The following LRPPRC variants were observed in gnomAD, a reference collection of about 807,000 sequenced individuals.
The protein encoded by LRPPRC is leucine-rich PPR motif-containing protein, mitochondrial.
A neutral mutation model predicts 180.3 loss-of-function variants in LRPPRC; 120 were observed. The observed-to-expected ratio is 0.67, with a 90% CI of 0.57 to 0.77. The LOEUF is 0.77. LRPPRC is among the 30% of genes least tolerant of loss of function. The probability of loss-of-function intolerance (pLI) is 0.00; values close to 1 mark genes in which losing one functional copy is unlikely to be tolerated. For missense variants in LRPPRC, 2,012 were observed against 1,657.2 expected (o/e 1.21, Z -3.72); for synonymous variants, 723 against 600.0 (o/e 1.21, Z -3.00).
intron 12 of LRPPRC, among the ~76,000 whole-genome samples, chr2:43,960,911 C>G (rs1473852707): frequency 6.6e-6 from 1 of 152,088 alleles, no homozygotes; most frequent in East Asian, 1.9e-4. Flanking sequence ...TTCTCCCATT[C>G]AAGACAAAAC....
chr2:43,891,505 A>G (rs1256643782), intron 36 of LRPPRC, among the ~76,000 whole-genome samples: 11 of 152,188 alleles, frequency 7.2e-5, no homozygotes, highest in Admixed American at 5.9e-4. Context: ...CATTATTGTT[A>G]TATCTGTTAC....
chr2:43,974,894 G>A, intron 7 of LRPPRC, 136 bp from the exon 8 acceptor site: 2 of 995,724 alleles, frequency 2.0e-6, no homozygotes, highest in South Asian at 1.4e-5. Flanking sequence ...TAAAAAACAG[G>A]AAATACTCTA....
rs578214155 is a variant in LRPPRC at position 43,896,495 on chromosome 2, A to C, written c.3900+139T>G. On this transcript the variant is annotated intron_variant, in intron 35 of 37. Coordinates refer to ENST00000260665, the MANE Select transcript of LRPPRC (RefSeq NM_133259.4). ...CTAACAGACGACAAAACTGACTCTA[A>C]GTAGAGACAAGCAAAGTCTTGAATC... 4.7e-5 allele frequency: 31 copies of C among 656,328 alleles called. No homozygotes were observed. In the Admixed American group the frequency reaches 7.5e-4, roughly 16 times the overall value. 40.7% of individuals were successfully genotyped at this position (656,328 alleles called of 1,614,324 possible). A position where few individuals can be genotyped will look rare whatever the true frequency, so the allele number is the denominator to read the frequency against.
Position 43,976,138 on chromosome 2 carries a change from A to G in LRPPRC, c.737+5T>C, listed in dbSNP as rs777013800. The G allele has an allele frequency of 1.6e-5, 25 of 1,586,394 alleles. No individual in the cohort carries two copies. In the Admixed American group the frequency reaches 4.2e-4, roughly 26 times the overall value. On this transcript the variant is annotated splice_donor_5th_base_variant and intron_variant, in intron 6 of 37. Transcript: ENST00000260665. ...TAAGAACCAAAACCTTAGGTTGAAC[A>G]TTACCCAGCTCTGGCATGCCCTGTC...
intron 11 of LRPPRC, among the ~76,000 whole-genome samples, chr2:43,969,685 GTT>G (rs970641576): frequency 3.3e-5 from 5 of 152,050 alleles, no homozygotes; most frequent in African/African-American, 9.7e-5. Context: ...GGTGTGTGGT[GTT>G]TTGTTTTTGA....
chr2:43,922,833 G>A (rs190731395), intron 27 of LRPPRC, among the ~76,000 whole-genome samples: 95 of 152,224 alleles, frequency 6.2e-4, no homozygotes, highest in African/African-American at 2.2e-3. Flanking sequence ...ATGCAGAAGG[G>A]GATAGCTTGC....
At chr2:43,903,154 AC>A in intron 31 of LRPPRC, 1 of 152,226 alleles carries the variant, frequency 6.6e-6, no homozygotes. Flanking sequence ...GGACCTTGTG[AC>A]CTAAATCCTA....
chr2:43,915,345 A>G (rs1671427876), intron 29 of LRPPRC, among the ~76,000 whole-genome samples: 1 of 151,708 alleles, frequency 6.6e-6, no homozygotes, highest in Non-Finnish European at 1.5e-5. Flanking sequence ...AAAGATGCAT[A>G]GTGTGTACTC....
At chr2:43,913,399 T>C (rs1040955613) in intron 29 of LRPPRC, among the ~76,000 whole-genome samples, 10 of 152,168 alleles carry the variant, frequency 6.6e-5, no homozygotes, top group African/African-American at 1.7e-4. Context: ...TCTACGAATA[T>C]AGGGCTCAAT....
intron 14 of LRPPRC, among the ~76,000 whole-genome samples, chr2:43,955,101 T>G (rs1043072829): frequency 1.3e-5 from 2 of 152,084 alleles, no homozygotes; most frequent in African/African-American, 4.8e-5. Flanking sequence ...GTCATAATTT[T>G]ATAATATGCA....
intron 14 of LRPPRC, among the ~76,000 whole-genome samples, chr2:43,951,418 G>A (rs1672897011): frequency 6.6e-6 from 1 of 152,192 alleles, no homozygotes; most frequent in East Asian, 1.9e-4. Flanking sequence ...GGGCTAATGT[G>A]CCAAAGTGCA....
intron 1 of LRPPRC, among the ~76,000 whole-genome samples, chr2:43,986,773 C>G (rs551960747): frequency 6.6e-6 from 1 of 152,074 alleles, no homozygotes. Flanking sequence ...AATCTGGCTG[C>G]AATTGGGTGT....
At chr2:43,969,305 G>C (rs1673699091) in intron 11 of LRPPRC, among the ~76,000 whole-genome samples, 1 of 152,118 alleles carries the variant, frequency 6.6e-6, no homozygotes, top group East Asian at 1.9e-4. Context: ...CCAGCTACTT[G>C]GGAGGCTGAG....
intron 30 of LRPPRC, 151 bp from the exon 31 acceptor site, chr2:43,905,931 T>C (rs1423044771): frequency 1.4e-6 from 1 of 691,878 alleles, no homozygotes; most frequent in East Asian, 2.7e-5. Context: ...TTTTGTGTTA[T>C]CCTGTCAATG....
At chr2:43,983,942 A>C (rs1437496940) in intron 1 of LRPPRC, among the ~76,000 whole-genome samples, 2 of 152,188 alleles carry the variant, frequency 1.3e-5, no homozygotes, top group East Asian at 3.8e-4. Context: ...AAATAATGGA[A>C]AAAATCAAGA....
intron 1 of LRPPRC, among the ~76,000 whole-genome samples, chr2:43,982,813 T>C (rs1428926515): frequency 1.3e-5 from 2 of 152,174 alleles, no homozygotes; most frequent in Admixed American, 1.3e-4. Context: ...CTCATCTCTG[T>C]AAATAAGACA....
At chr2:43,935,774 T>TA (rs1256497512) in intron 23 of LRPPRC, among the ~76,000 whole-genome samples, 3 of 151,802 alleles carry the variant, frequency 2.0e-5, no homozygotes, top group Non-Finnish European at 4.4e-5. Flanking sequence ...ACAGGTAATA[T>TA]AAAAAAAATA....
chr2:43,962,253 G>C (rs965825397), intron 12 of LRPPRC, among the ~76,000 whole-genome samples: 1 of 152,124 alleles, frequency 6.6e-6, no homozygotes, highest in Non-Finnish European at 1.5e-5. Flanking sequence ...GAATATGTGG[G>C]AAAGTTACTT....
rs1670295232 is a variant in LRPPRC at position 43,887,117 on chromosome 2, G to A, written c.*1483C>T. On this transcript the variant is annotated 3_prime_UTR_variant, in exon 38 of 38. Transcript: ENST00000260665. ...GCTGAGATTGCGCCACTGCACTCTG[G>A]CTTAAGCAACAGAGCAAGACTATCT... The A allele has an allele frequency of 8.0e-6, 1 of 124,226 alleles. No homozygotes were observed. Among genetic ancestry groups the A allele is most frequent in the Non-Finnish European group, 1.6e-5 (1 of 60,746 alleles). 7.7% of individuals were successfully genotyped at this position (124,226 alleles called of 1,614,324 possible).
Sources: gnomAD v4.1 joint callset for allele counts (sites outside exome capture counted in the v4.1 genomes callset) on GRCh38, gnomAD v4.1.1 for gene constraint, MANE v1.5 for transcripts, NCBI Gene and HGNC (gene_info 2026-07-23, HGNC 2026-07-21) for gene names.